MRPL15: variants seen among roughly 807,000 people sequenced by gnomAD.
MRPL15 encodes large ribosomal subunit protein uL15m.
A neutral mutation model predicts 28.0 loss-of-function variants in MRPL15; 24 were observed. The observed-to-expected ratio is 0.86, with a 90% CI of 0.62 to 1.21. The LOEUF is 1.21. Among genes scored for constraint, MRPL15 ranks in the 50% most tolerant of loss-of-function variants. The pLI, the probability that MRPL15 is intolerant of heterozygous loss-of-function variation, is 0.00. For missense variants in MRPL15, 343 were observed against 372.4 expected (o/e 0.92, Z 0.65); for synonymous variants, 124 against 137.0 (o/e 0.90, Z 0.66).
intron 4 of MRPL15, among the ~76,000 whole-genome samples, chr8:54,146,161 C>G (rs1390335501): frequency 6.6e-6 from 1 of 152,214 alleles, no homozygotes; most frequent in African/African-American, 2.4e-5. Context: ...AAAGTCCTTT[C>G]CTGGCCGGGC....
chr8:54,136,248 T>C (rs1361310994), intron 1 of MRPL15, among the ~76,000 whole-genome samples: 3 of 152,236 alleles, frequency 2.0e-5, no homozygotes, highest in Non-Finnish European at 4.4e-5. Flanking sequence ...CAACCTATTA[T>C]AAAAACCTTA....
In MRPL15 at chr8:54,137,407, G is replaced by T; in HGVS notation, c.403G>T (p.Asp135Tyr). ...RGVTIQPLKR[D>Y]YGVQLVEEGA... ...TGTGACCATCCAGCCACTTAAAAGG[G>T]ATTATGGTGTCCAGCTGGTTGAGGA... Residue 135 changes from aspartate (D) to tyrosine (Y), a missense_variant, in exon 3 of 5, where the codon GAT (aspartate) becomes TAT (tyrosine). Transcript: ENST00000260102. The T allele has an allele frequency of 6.2e-7, 1 of 1,614,054 alleles. No homozygotes were observed. The highest frequency in any genetic ancestry group is 8.5e-7 in the Non-Finnish European group (1 of 1,180,016).
chr8:54,144,364 T>C (rs1811006555), intron 4 of MRPL15, among the ~76,000 whole-genome samples: 1 of 152,238 alleles, frequency 6.6e-6, no homozygotes. Context: ...AAGAAAATTC[T>C]TTGAAAATTA....
At chr8:54,142,283 T>C (rs1810941097) in intron 3 of MRPL15, among the ~76,000 whole-genome samples, 1 of 151,960 alleles carries the variant, frequency 6.6e-6, no homozygotes, top group African/African-American at 2.4e-5. Flanking sequence ...GCCTCCTGAG[T>C]AGCTGGGACT....
At position 54,147,499 on chromosome 8, in the gene MRPL15, C is replaced by T. The variant is rs750482380; in HGVS notation, c.671C>T (p.Ala224Val). 127 of 1,614,024 alleles carry T rather than the reference C, an allele frequency of 7.9e-5. 3 individuals are homozygous for T. The South Asian group carries it at 1.3e-3, about 17-fold the overall frequency. ...GATGCAAAGAACCGTGGGTACCTGG[C>T]GGATCCTGCCAAATTTCCTGAAGCA... ...YTDAKNRGYLADPAKFPEARL... is the reference protein window; with the variant it reads ...YTDAKNRGYLVDPAKFPEARL... Residue 224 changes from alanine (A) to valine (V), a missense_variant, in exon 5 of 5, where the codon GCG (alanine) becomes GTG (valine). Coordinates refer to ENST00000260102, the MANE Select transcript of MRPL15 (RefSeq NM_014175.4).
chr8:54,140,574 CT>C lies in MRPL15; in HGVS notation c.430-2072del, dbSNP rs71551976. On this transcript the variant is annotated intron_variant, in intron 3 of 4. Transcript: ENST00000260102. ...CCGGCCTAGAACTACATTTTCTTTTCTTTTTTTTTTTTTTTTTGAGATGGAG... is the reference window on the plus strand; with the variant it reads ...CCGGCCTAGAACTACATTTTCTTTTCTTTTTTTTTTTTTTTTGAGATGGAG... Among the ~76,000 whole-genome samples the C allele has an allele frequency of 1.4e-3, 142 of 99,598 alleles. 2 individuals carry two copies. The highest frequency in any genetic ancestry group is 1.8e-3 in the Non-Finnish European group (89 of 50,580). 65.3% of individuals were successfully genotyped at this position (99,598 alleles called of 152,430 possible). A position where few individuals can be genotyped will look rare whatever the true frequency, so the allele number is the denominator to read the frequency against.
chr8:54,137,159 TTTAG>T, intron 2 of MRPL15, 105 bp from the exon 3 acceptor site: 1 of 1,128,806 alleles, frequency 8.9e-7, no homozygotes, highest in African/African-American at 1.6e-5. Flanking sequence ...GAGGGTTTTG[TTTAG>T]TTAAATAAAA....
At chr8:54,145,306 C>T (rs1482843643) in intron 4 of MRPL15, among the ~76,000 whole-genome samples, 1 of 152,108 alleles carries the variant, frequency 6.6e-6, no homozygotes, top group East Asian at 1.9e-4. Flanking sequence ...CCTCCAACTC[C>T]TGGGCTCAAG....
chr8:54,147,883 C>CA lies in MRPL15; in HGVS notation c.*166dup. ...TCATCTAAAATTAAATGGCAGGAAA[C>CA]AAGGACTGCATAGAGAAACTGAGTC... On this transcript the variant is annotated 3_prime_UTR_variant, in exon 5 of 5. Transcript: ENST00000260102. The CA allele has an allele frequency of 9.5e-6, 6 of 632,322 alleles. No homozygotes were observed. In the East Asian group the frequency reaches 1.7e-4, roughly 18 times the overall value. 39.2% of individuals were successfully genotyped at this position (632,322 alleles called of 1,614,324 possible).
Position 54,135,247 on chromosome 8 carries a change from C to G in MRPL15, c.-37C>G, listed in dbSNP as rs1424233928. ...CCGAGACCACGTGGCCTCCGAGCAG[C>G]TCAGGGCGCCCTTGAAAGTTCTTGG... On this transcript the variant is annotated 5_prime_UTR_variant, in exon 1 of 5. Coordinates refer to ENST00000260102, the MANE Select transcript of MRPL15 (RefSeq NM_014175.4). The G allele has an allele frequency of 7.7e-7, 1 of 1,290,494 alleles. No individual in the cohort carries two copies. Among genetic ancestry groups the G allele is most frequent in the Non-Finnish European group, 1.0e-6 (1 of 1,004,660 alleles). 79.9% of individuals were successfully genotyped at this position (1,290,494 alleles called of 1,614,324 possible).
chr8:54,141,481 G>A (rs937917021), intron 3 of MRPL15, among the ~76,000 whole-genome samples: 43 of 152,168 alleles, frequency 2.8e-4, no homozygotes, highest in South Asian at 2.1e-4. Context: ...AAATGGAAAT[G>A]TAGTCAGTCT....
At position 54,136,622 on chromosome 8, in the gene MRPL15, TTTTACATC is replaced by T; in HGVS notation, c.221_228del (p.Phe74SerfsTer8). The stretch of plus-strand genomic sequence containing the variant: ...GGGCTTTGAGGGAGGCCAGACTCCA[TTTTACATC>T]CGAATCCCAAAATACGGGTTTAACG... On this transcript the variant is annotated frameshift_variant, in exon 2 of 5. Transcript: ENST00000260102. LOFTEE classifies it high-confidence loss of function. 6.2e-7 allele frequency: 1 copy of T among 1,614,194 alleles called. No homozygotes were observed. Among genetic ancestry groups the T allele is most frequent in the Non-Finnish European group, 8.5e-7 (1 of 1,180,020 alleles).
intron 1 of MRPL15, 31 bp downstream of exon 1, chr8:54,135,422 C>T: frequency 6.6e-7 from 1 of 1,512,798 alleles, no homozygotes; most frequent in South Asian, 1.2e-5. Flanking sequence ...CGGGGAAGCG[C>T]TGGGGACCCG....
intron 1 of MRPL15, 71 bp downstream of exon 1, chr8:54,135,462 C>G: frequency 2.3e-6 from 3 of 1,303,156 alleles, no homozygotes; most frequent in Non-Finnish European, 3.1e-6. Context: ...CTCTCCCTGT[C>G]ATTAGGAGAA....
intron 3 of MRPL15, among the ~76,000 whole-genome samples, chr8:54,140,871 T>C (rs34237129): frequency 0.096 from 14,429 of 150,956 alleles, 1,130 homozygotes; most frequent in East Asian, 0.4. Flanking sequence ...CGTGAGCCAC[T>C]GCGCCCGGCC....
chr8:54,135,450 T>G, intron 1 of MRPL15, 59 bp downstream of exon 1: 1 of 1,414,520 alleles, frequency 7.1e-7, no homozygotes, highest in African/African-American at 1.5e-5. Context: ...AAAGCGGCCC[T>G]TCTCTCCCTG....
intron 4 of MRPL15, 47 bp from the exon 5 acceptor site, chr8:54,147,335 T>G: frequency 1.8e-5 from 25 of 1,415,690 alleles, no homozygotes; most frequent in South Asian, 2.6e-5. Context: ...GGTATGTCTA[T>G]GAGCTAATAT....
At position 54,136,494 on chromosome 8, in the gene MRPL15, C is replaced by A. The variant is rs1294710441; in HGVS notation, c.109-17C>A. On this transcript the variant is annotated splice_polypyrimidine_tract_variant and intron_variant, in intron 1 of 4. Transcript: ENST00000260102. ...AAATGCATCTGAAATTCATAAAATT[C>A]TTTTTTTTCCTTGCAGGAGAGAAGA... is the stretch of plus-strand genomic sequence containing the variant. 1.9e-6 allele frequency: 3 copies of A among 1,579,242 alleles called. No individual in the cohort carries two copies. Among genetic ancestry groups the A allele is most frequent in the East Asian group, 2.2e-5 (1 of 44,562 alleles).
chr8:54,140,574 C>CTTTTT lies in MRPL15; in HGVS notation c.430-2076_430-2072dup, dbSNP rs71551976. Reference sequence around the variant, plus strand: ...CCGGCCTAGAACTACATTTTCTTTTCTTTTTTTTTTTTTTTTTGAGATGGA... The same window carrying CTTTTT: ...CCGGCCTAGAACTACATTTTCTTTTCTTTTTTTTTTTTTTTTTTTTTTGAGATGGA... On this transcript the variant is annotated intron_variant, in intron 3 of 4. Coordinates refer to ENST00000260102, the MANE Select transcript of MRPL15 (RefSeq NM_014175.4). 1.0e-4 allele frequency among the ~76,000 whole-genome samples: 10 copies of CTTTTT among 99,606 alleles called. No homozygotes were observed. The South Asian group carries it at 1.4e-3, about 14-fold the overall frequency. 65.3% of individuals were successfully genotyped at this position (99,606 alleles called of 152,430 possible).
Sources: allele counts gnomAD v4.1 joint callset (sites outside exome capture counted in the v4.1 genomes callset), GRCh38; gene constraint gnomAD v4.1.1; transcripts MANE v1.5; gene names NCBI Gene and HGNC (gene_info 2026-07-23, HGNC 2026-07-21).